SGCD: variants seen among roughly 807,000 people sequenced by gnomAD.
SGCD encodes the protein sarcoglycan delta, also known as delta-sarcoglycan.
SGCD carries 18 observed loss-of-function variants against 36.6 expected under a neutral mutation model. That is an observed-to-expected ratio of 0.49 (90% CI 0.34 to 0.73). The LOEUF is 0.73. Among genes scored for constraint, SGCD ranks in the 30% least tolerant of loss-of-function variants. SGCD has a pLI of 0.01. For synonymous variants in SGCD, 133 were observed against 130.6 expected, an observed-to-expected ratio of 1.02 and a Z score of -0.12; for missense variants, 387 against 346.7, an observed-to-expected ratio of 1.12 and a Z score of -0.92.
chr5:155,769,760 A>G, the SGCD span, among the ~76,000 whole-genome samples: 36 of 152,160 alleles, frequency 2.4e-4, no homozygotes, highest in African/African-American at 8.4e-4. Flanking sequence ...GTTCTGGCCT[A>G]TTGGCGTGGC....
chr5:156,686,817 A>G (rs1374807270), intron 7 of SGCD, among the ~76,000 whole-genome samples: 1 of 152,194 alleles, frequency 6.6e-6, no homozygotes, highest in East Asian at 1.9e-4. Flanking sequence ...CCAAAGCTAC[A>G]AGAGAATTTG....
At chr5:155,814,930 T>C in the SGCD span, among the ~76,000 whole-genome samples, 4 of 152,322 alleles carry the variant, frequency 2.6e-5, no homozygotes, top group East Asian at 7.7e-4. Flanking sequence ...TTCTGTAGAA[T>C]AAAAAATGGC....
chr5:155,911,954 A>G (rs1165669005), intron 1 of SGCD, among the ~76,000 whole-genome samples: 6 of 152,084 alleles, frequency 3.9e-5, no homozygotes, highest in South Asian at 4.1e-4. Context: ...GGGAGGCTGG[A>G]AAACCTTCAC....
At chr5:156,362,774 T>C (rs1769873764) in intron 3 of SGCD, among the ~76,000 whole-genome samples, 1 of 152,190 alleles carries the variant, frequency 6.6e-6, no homozygotes, top group Non-Finnish European at 1.5e-5. Flanking sequence ...TCATGACATA[T>C]ACTCTATTTG....
the SGCD span, among the ~76,000 whole-genome samples, chr5:155,769,222 A>G: frequency 6.6e-6 from 1 of 152,142 alleles, no homozygotes; most frequent in Non-Finnish European, 1.5e-5. Context: ...AATACACTCT[A>G]TGCATACAAA....
chr5:156,745,487 A>T (rs1355971739), intron 7 of SGCD, among the ~76,000 whole-genome samples: 4 of 152,224 alleles, frequency 2.6e-5, no homozygotes, highest in African/African-American at 9.6e-5. Flanking sequence ...TCTTAAATGC[A>T]GGCTTCAAAT....
chr5:156,336,442 C>A (rs756582748), intron 2 of SGCD, among the ~76,000 whole-genome samples: 3 of 152,074 alleles, frequency 2.0e-5, no homozygotes, highest in Non-Finnish European at 4.4e-5. Context: ...TGATAGGTAA[C>A]AAAAATGACT....
chr5:155,932,326 A>G (rs959841050), intron 1 of SGCD, among the ~76,000 whole-genome samples: 1 of 152,146 alleles, frequency 6.6e-6, no homozygotes, highest in Non-Finnish European at 1.5e-5. Flanking sequence ...GAGGGAATAG[A>G]TAGATTTTCT....
At position 156,229,279 on chromosome 5, in the gene SGCD, T is replaced by TACATATATATATAC. The variant is rs1561574947; in HGVS notation, c.-43-100254_-43-100253insCATATATATATACA. On this transcript the variant is annotated intron_variant, in intron 3 of 9. Coordinates refer to the SGCD transcript ENST00000517913. ...ATACATACATATATATATACATACA[T>TACATATATATATAC]ATATATATATATATATATATAAAAT... 9.7e-5 allele frequency among the ~76,000 whole-genome samples: 5 copies of TACATATATATATAC among 51,644 alleles called. 1 individual carries two copies. Among genetic ancestry groups the TACATATATATATAC allele is most frequent in the African/African-American group, 4.0e-4 (5 of 12,524 alleles). 33.9% of individuals were successfully genotyped at this position (51,644 alleles called of 152,430 possible).
chr5:155,938,265 G>C (rs1366795832), intron 1 of SGCD, among the ~76,000 whole-genome samples: 7 of 152,214 alleles, frequency 4.6e-5, no homozygotes, highest in Non-Finnish European at 8.8e-5. Context: ...CAGTGTCAGA[G>C]AGTACTTCAC....
intron 3 of SGCD, among the ~76,000 whole-genome samples, chr5:156,481,696 G>A (rs956539099): frequency 6.6e-6 from 1 of 152,154 alleles, no homozygotes; most frequent in African/African-American, 2.4e-5. Flanking sequence ...TGTTTCTACT[G>A]TGAGTTTCAG....
At chr5:155,828,246 C>T in the SGCD span, among the ~76,000 whole-genome samples, 10 of 152,082 alleles carry the variant, frequency 6.6e-5, no homozygotes, top group Non-Finnish European at 1.5e-4. Context: ...TGGTCACCCT[C>T]ACAATAATGC....
intron 7 of SGCD, among the ~76,000 whole-genome samples, chr5:156,650,591 T>C (rs999482567): frequency 6.6e-6 from 1 of 151,492 alleles, no homozygotes; most frequent in East Asian, 2.0e-4. Context: ...ATGTGCAGTA[T>C]TTGGTTTTCT....
At chr5:156,610,828 G>A (rs1474283076) in intron 6 of SGCD, among the ~76,000 whole-genome samples, 1 of 152,234 alleles carries the variant, frequency 6.6e-6, no homozygotes, top group Non-Finnish European at 1.5e-5. Context: ...TGTGGGCGTA[G>A]GACCCTCCAG....
intron 1 of SGCD, among the ~76,000 whole-genome samples, chr5:155,918,581 T>C (rs1756806243): frequency 6.6e-6 from 1 of 152,006 alleles, no homozygotes; most frequent in Non-Finnish European, 1.5e-5. Flanking sequence ...TAAAAATAAA[T>C]AAATAAAAAG....
the SGCD span, among the ~76,000 whole-genome samples, chr5:155,811,412 T>C: frequency 4.2e-3 from 636 of 152,304 alleles, 7 homozygotes; most frequent in Non-Finnish European, 6.6e-3. Context: ...GACATGTTTC[T>C]TAGAGAATAA....
At chr5:156,245,908 A>G (rs1198156432) in intron 3 of SGCD, among the ~76,000 whole-genome samples, 1 of 152,158 alleles carries the variant, frequency 6.6e-6, no homozygotes, top group South Asian at 2.1e-4. Context: ...GGCTATACCT[A>G]TTTTCTAAGT....
intron 6 of SGCD, among the ~76,000 whole-genome samples, chr5:156,642,256 A>C (rs775436212): frequency 6.6e-6 from 1 of 152,068 alleles, no homozygotes; most frequent in African/African-American, 2.4e-5. Context: ...GGGTTTCAAC[A>C]TCTGAATTTT....
intron 1 of SGCD, among the ~76,000 whole-genome samples, chr5:155,886,485 T>TGG (rs1303010438): frequency 1.3e-5 from 2 of 151,142 alleles, no homozygotes; most frequent in Non-Finnish European, 2.9e-5. Flanking sequence ...GAGGAATGTG[T>TGG]GTGTGTGTGC....
Sources: allele counts gnomAD v4.1 joint callset (sites outside exome capture counted in the v4.1 genomes callset), GRCh38; gene constraint gnomAD v4.1.1; transcripts MANE v1.5; gene names NCBI Gene and HGNC (gene_info 2026-07-23, HGNC 2026-07-21).